The following ANKRD13C variants were observed in gnomAD, a reference collection of about 807,000 sequenced individuals.
The protein encoded by ANKRD13C is ankyrin repeat domain 13C, also known as ankyrin repeat domain-containing protein 13C.
In ANKRD13C, 16 loss-of-function variants were observed where a neutral mutation model predicts 65.5. The ratio of observed to expected loss-of-function variants is 0.24; its 90% CI spans 0.17 to 0.37. The LOEUF (loss-of-function observed/expected upper bound fraction) is 0.37. Ranked by LOEUF, ANKRD13C falls within the 10% of genes least tolerant of loss-of-function variation. ANKRD13C has a pLI of 1.00. For missense variants in ANKRD13C, 503 were observed against 655.9 expected (o/e 0.77, Z 2.55); for synonymous variants, 235 against 238.7 (o/e 0.98, Z 0.14).
In ANKRD13C at chr1:70,354,664, C is replaced by A; in HGVS notation, c.-256G>T. 1 of 881,366 alleles carries A rather than the reference C, an allele frequency of 1.1e-6. No individual in the cohort carries two copies. The highest frequency in any genetic ancestry group is 1.7e-6 in the Non-Finnish European group (1 of 596,272). 54.6% of individuals were successfully genotyped at this position (881,366 alleles called of 1,614,324 possible). ...GACACCAGGATCTCAGTCTCGCCGT[C>A]GCAGCCGCCGTCGCTGCCTTACACC... On this transcript the variant is annotated 5_prime_UTR_variant, in exon 1 of 13. Coordinates refer to ENST00000370944, the MANE Select transcript of ANKRD13C (RefSeq NM_030816.5).
chr1:70,286,653 A>G (rs1428573372), intron 9 of ANKRD13C, among the ~76,000 whole-genome samples: 1 of 152,192 alleles, frequency 6.6e-6, no homozygotes, highest in Non-Finnish European at 1.5e-5. Context: ...TTATCTGATG[A>G]CATAAGCATT....
At chr1:70,351,221 G>A (rs1682729927) in intron 1 of ANKRD13C, among the ~76,000 whole-genome samples, 1 of 152,032 alleles carries the variant, frequency 6.6e-6, no homozygotes, top group African/African-American at 2.4e-5. Flanking sequence ...TCTATAATAA[G>A]GACAATAATC....
intron 9 of ANKRD13C, 23 bp downstream of exon 9, chr1:70,292,365 A>AT: frequency 6.5e-7 from 1 of 1,543,900 alleles, no homozygotes; most frequent in South Asian, 1.3e-5. Flanking sequence ...AAAACTACAA[A>AT]TTAGAAGAAT....
rs968174523 is a variant in ANKRD13C at position 70,259,171 on chromosome 1, A to G, written c.*3546T>C. Among the ~76,000 whole-genome samples the G allele has an allele frequency of 3.9e-5, 6 of 152,164 alleles. No individual in the cohort carries two copies. The highest frequency in any genetic ancestry group is 8.8e-5 in the Non-Finnish European group (6 of 68,018). ...ACACAACTGTATTTAGAACATCCCAATTACTGTCATCCTTCTTTAGTCATC... is the reference window on the plus strand; with the variant it reads ...ACACAACTGTATTTAGAACATCCCAGTTACTGTCATCCTTCTTTAGTCATC... On this transcript the variant is annotated 3_prime_UTR_variant, in exon 13 of 13. Coordinates refer to ENST00000370944, the MANE Select transcript of ANKRD13C (RefSeq NM_030816.5).
chr1:70,276,860 AAG>A lies in ANKRD13C; in HGVS notation c.1216-18_1216-17del. ...TTCGAATCGGCTGCCAAAAAAAAAA[AAG>A]AAAGAAAGTGGGGTGGGGGAGAAAG... On this transcript the variant is annotated splice_polypyrimidine_tract_variant and intron_variant, in intron 9 of 12. Transcript: ENST00000370944. 6.4e-7 allele frequency: 1 copy of A among 1,570,728 alleles called. No individual in the cohort carries two copies. The highest frequency in any genetic ancestry group is 8.6e-7 in the Non-Finnish European group (1 of 1,160,726).
intron 9 of ANKRD13C, among the ~76,000 whole-genome samples, chr1:70,281,024 T>C (rs1679362795): frequency 6.6e-6 from 1 of 151,844 alleles, no homozygotes; most frequent in Non-Finnish European, 1.5e-5. Context: ...CCAGCTGGGG[T>C]AAATAAGGAG....
intron 10 of ANKRD13C, 119 bp downstream of exon 10, chr1:70,276,642 TTCAG>T (rs1679147424): frequency 2.5e-6 from 2 of 803,324 alleles, no homozygotes; most frequent in Non-Finnish European, 3.9e-6. Context: ...GAAGAATTGC[TTCAG>T]TCAAAAATAT....
intron 11 of ANKRD13C, among the ~76,000 whole-genome samples, chr1:70,272,513 T>C (rs72678625): frequency 0.25 from 37,443 of 151,866 alleles, 4,862 homozygotes; most frequent in Non-Finnish European, 0.29. Flanking sequence ...CACCACCATG[T>C]CCGGCTCCTT....
At chr1:70,313,897 C>A (rs751445768) in intron 4 of ANKRD13C, 107 bp from the exon 5 acceptor site, 21 of 711,142 alleles carry the variant, frequency 3.0e-5, no homozygotes, top group Non-Finnish European at 4.4e-5. Flanking sequence ...CATTACTATA[C>A]TTAATTACAA....
intron 1 of ANKRD13C, among the ~76,000 whole-genome samples, chr1:70,351,552 A>G (rs1682744785): frequency 2.0e-5 from 3 of 152,046 alleles, no homozygotes; most frequent in African/African-American, 7.2e-5. Flanking sequence ...AGCATGCACC[A>G]CCATGCCAGG....
chr1:70,352,997 T>C (rs890212666), intron 1 of ANKRD13C, among the ~76,000 whole-genome samples: 1 of 152,206 alleles, frequency 6.6e-6, no homozygotes, highest in Non-Finnish European at 1.5e-5. Context: ...CACAGGCAAA[T>C]ATTTCATTGA....
intron 6 of ANKRD13C, among the ~76,000 whole-genome samples, chr1:70,305,048 G>A (rs1680531068): frequency 6.6e-6 from 1 of 151,868 alleles, no homozygotes; most frequent in African/African-American, 2.4e-5. Flanking sequence ...ACTTGAGCCT[G>A]TATGTTCAAG....
intron 5 of ANKRD13C, among the ~76,000 whole-genome samples, chr1:70,312,620 T>C (rs1469869927): frequency 6.6e-6 from 1 of 150,436 alleles, no homozygotes; most frequent in Non-Finnish European, 1.5e-5. Flanking sequence ...TCATTTGGTA[T>C]AATATGCATA....
intron 5 of ANKRD13C, among the ~76,000 whole-genome samples, chr1:70,313,295 G>A (rs190377506): frequency 6.6e-5 from 10 of 152,186 alleles, no homozygotes; most frequent in South Asian, 2.1e-4. Context: ...TTGAGAGGCC[G>A]AGGTAGGAGG....
At position 70,259,337 on chromosome 1, in the gene ANKRD13C, C is replaced by A. The variant is rs1678321923; in HGVS notation, c.*3380G>T. Reference sequence around the variant, plus strand: ...AAAACCAAGAATGATTAACAAGCACCTTTCTTAGAAGTTCTTAAGATTTTG... The same window carrying A: ...AAAACCAAGAATGATTAACAAGCACATTTCTTAGAAGTTCTTAAGATTTTG... On this transcript the variant is annotated 3_prime_UTR_variant, in exon 13 of 13. Transcript: ENST00000370944. Among the ~76,000 whole-genome samples, 1 of 152,150 alleles carries A rather than the reference C, an allele frequency of 6.6e-6. No homozygotes were observed. Among genetic ancestry groups the A allele is most frequent in the Admixed American group, 6.5e-5 (1 of 15,280 alleles).
chr1:70,269,020 C>A (rs994086235), intron 12 of ANKRD13C, among the ~76,000 whole-genome samples: 4 of 150,276 alleles, frequency 2.7e-5, no homozygotes, highest in Admixed American at 6.6e-5. Flanking sequence ...GGTATATCTC[C>A]CAATGCTATC....
At chr1:70,352,106 G>C (rs1279784871) in intron 1 of ANKRD13C, among the ~76,000 whole-genome samples, 1 of 152,106 alleles carries the variant, frequency 6.6e-6, no homozygotes, top group African/African-American at 2.4e-5. Flanking sequence ...CTGGGAGGCC[G>C]AGGCGGGCAG....
intron 12 of ANKRD13C, 118 bp downstream of exon 12, chr1:70,270,738 T>C (rs1393775038): frequency 9.2e-6 from 6 of 652,634 alleles, no homozygotes; most frequent in Non-Finnish European, 1.3e-5. Context: ...TCCTAAAAGG[T>C]CACGAACCAA....
chr1:70,320,085 G>A (rs1212480721), intron 3 of ANKRD13C, among the ~76,000 whole-genome samples: 1 of 152,078 alleles, frequency 6.6e-6, no homozygotes, highest in East Asian at 1.9e-4. Flanking sequence ...GACAAAAAGA[G>A]GGGGATATAT....
Sources: gnomAD v4.1 joint callset for allele counts (sites outside exome capture counted in the v4.1 genomes callset) on GRCh38, gnomAD v4.1.1 for gene constraint, MANE v1.5 for transcripts, NCBI Gene and HGNC (gene_info 2026-07-23, HGNC 2026-07-21) for gene names.